Variants in TMEM123 observed in about 807,000 individuals in gnomAD.
TMEM123 encodes the protein transmembrane protein 123, also known as porimin.
TMEM123 carries 16 observed loss-of-function variants against 19.7 expected under a neutral mutation model. That is an observed-to-expected ratio of 0.81 (90% CI 0.55 to 1.23). The LOEUF is 1.23. TMEM123 is among the 50% of genes most tolerant of loss of function. TMEM123 has a pLI of 0.00. For missense variants in TMEM123, 313 were observed against 257.8 expected, an observed-to-expected ratio of 1.21 and a Z score of -1.47; for synonymous variants, 118 against 99.4, an observed-to-expected ratio of 1.19 and a Z score of -1.12.
At chr11:102,440,456 C>A (rs2135862902) in intron 2 of TMEM123, among the ~76,000 whole-genome samples, 1 of 152,240 alleles carries the variant, frequency 6.6e-6, no homozygotes, top group Non-Finnish European at 1.5e-5. Flanking sequence ...AACTAAGTTT[C>A]ATAAGTGAAG....
At chr11:102,439,330 G>A (rs1763167035) in intron 2 of TMEM123, among the ~76,000 whole-genome samples, 2 of 151,556 alleles carry the variant, frequency 1.3e-5, no homozygotes, top group Non-Finnish European at 3.0e-5. Flanking sequence ...AGCCTAACTG[G>A]GAGACACCTC....
At position 102,398,766 on chromosome 11, in the gene TMEM123, ACT is replaced by A. The variant is rs1951883013; in HGVS notation, c.*99_*100del. 8.4e-7 allele frequency: 1 copy of A among 1,194,238 alleles called. No homozygotes were observed. Among genetic ancestry groups the A allele is most frequent in the African/African-American group, 1.5e-5 (1 of 64,866 alleles). 74.0% of individuals were successfully genotyped at this position (1,194,238 alleles called of 1,614,324 possible). A position where few individuals can be genotyped will look rare whatever the true frequency, so the allele number is the denominator to read the frequency against. ...TACATTATATGCATGGCCTGTTTATACTATTTTCAAAAAGAGAATATTGTTTT... is the reference window on the plus strand; with the variant it reads ...TACATTATATGCATGGCCTGTTTATAATTTTCAAAAAGAGAATATTGTTTT... On this transcript the variant is annotated 3_prime_UTR_variant, in exon 5 of 5. Coordinates refer to ENST00000398136, the MANE Select transcript of TMEM123 (RefSeq NM_052932.3).
At chr11:102,439,882 T>C (rs1267932017) in intron 2 of TMEM123, among the ~76,000 whole-genome samples, 1 of 152,218 alleles carries the variant, frequency 6.6e-6, no homozygotes, top group East Asian at 1.9e-4. Context: ...CTGAAAACCA[T>C]GGTGCAAGAA....
intron 2 of TMEM123, among the ~76,000 whole-genome samples, chr11:102,409,580 A>G (rs924278135): frequency 6.6e-5 from 10 of 152,132 alleles, no homozygotes; most frequent in African/African-American, 1.9e-4. Flanking sequence ...TAAAAAACCT[A>G]GACAGGCCGG....
intron 2 of TMEM123, among the ~76,000 whole-genome samples, chr11:102,435,031 T>C (rs551281117): frequency 7.2e-5 from 11 of 151,972 alleles, no homozygotes; most frequent in Admixed American, 2.0e-4. Flanking sequence ...TAAAAATATA[T>C]ACTTTGCTTC....
intron 2 of TMEM123, among the ~76,000 whole-genome samples, chr11:102,442,875 A>T (rs1325881105): frequency 6.6e-6 from 1 of 152,212 alleles, no homozygotes; most frequent in Non-Finnish European, 1.5e-5. Flanking sequence ...AATGTGCAAA[A>T]ATCACAAGCA....
At chr11:102,448,986 A>C (rs190891010) in intron 1 of TMEM123, 118 bp from the exon 2 acceptor site, 2 of 989,570 alleles carry the variant, frequency 2.0e-6, no homozygotes, top group African/African-American at 3.2e-5. Flanking sequence ...AGATTATTCC[A>C]CAGGAAGTTC....
At chr11:102,406,140 T>TG (rs1388589992) in intron 2 of TMEM123, among the ~76,000 whole-genome samples, 2 of 152,012 alleles carry the variant, frequency 1.3e-5, no homozygotes, top group African/African-American at 4.8e-5. Flanking sequence ...CTGTGGGACT[T>TG]GCAAGGGGTG....
Position 102,441,537 on chromosome 11 carries a change from T to C in TMEM123, c.157+7275A>G, listed in dbSNP as rs376468892. ...CATACCAGAATCTCTGGGACACATT[T>C]AAAGCAGTGTGTAGAGGGAAATTTA... On this transcript the variant is annotated intron_variant, in intron 2 of 4. Coordinates refer to ENST00000398136, the MANE Select transcript of TMEM123 (RefSeq NM_052932.3). 5.9e-5 allele frequency among the ~76,000 whole-genome samples: 9 copies of C among 152,122 alleles called. No homozygotes were observed. The East Asian group carries it at 9.6e-4, about 16-fold the overall frequency.
At position 102,448,812 on chromosome 11, in the gene TMEM123, C is replaced by T. The variant is rs1412689227; in HGVS notation, c.157G>A (p.Glu53Lys). Residue 53 changes from glutamate to lysine, a missense_variant and splice_region_variant, in exon 2 of 5, where the codon GAG becomes AAG. By Grantham distance (56) the Glu-to-Lys change is moderately conservative. Coordinates refer to ENST00000398136, the MANE Select transcript of TMEM123 (RefSeq NM_052932.3). ...LPHNSSANST[E>K]TLQHVPSDHT... ...GTTTTTTTAATCTTTTAAAACTCAC[C>T]TGTTGAGTTAGCACTGGAGTTGTGT... The T allele has an allele frequency of 6.2e-7, 1 of 1,613,446 alleles. No individual in the cohort carries two copies. The highest frequency in any genetic ancestry group is 1.1e-5 in the South Asian group (1 of 91,050).
intron 3 of TMEM123, 61 bp downstream of exon 3, chr11:102,401,855 C>A: frequency 6.4e-7 from 1 of 1,563,976 alleles, no homozygotes; most frequent in Non-Finnish European, 8.7e-7. Context: ...AGAATAATGA[C>A]TTAAATGTGG....
Position 102,418,767 on chromosome 11 carries a change from T to C in TMEM123, c.158-16561A>G, listed in dbSNP as rs561926698. ...TGGAATCAACCTAGATACCCAACAG[T>C]GGCGGACTGGATAAAGAAAATGTGG... On this transcript the variant is annotated intron_variant, in intron 2 of 4. Transcript: ENST00000398136. Among the ~76,000 whole-genome samples the C allele has an allele frequency of 2.6e-5, 4 of 152,286 alleles. No homozygotes were observed. The East Asian group carries it at 7.7e-4, about 29-fold the overall frequency.
Position 102,430,336 on chromosome 11 carries a change from GGTGGTGGT to G in TMEM123, c.157+18468_157+18475del, listed in dbSNP as rs571528488. Among the ~76,000 whole-genome samples the G allele has an allele frequency of 1.5e-4, 23 of 152,350 alleles. 1 individual carries two copies. In the South Asian group the frequency reaches 4.8e-3, roughly 32 times the overall value. On this transcript the variant is annotated intron_variant, in intron 2 of 4. Transcript: ENST00000398136. The stretch of plus-strand genomic sequence containing the variant: ...CAAAAACAGCACTGGGTGCTGGGAA[GGTGGTGGT>G]GAGTAAAATCAGCCTTCCCCCTGAA...
chr11:102,399,534 A>G (rs754407535), intron 4 of TMEM123, among the ~76,000 whole-genome samples: 2 of 152,214 alleles, frequency 1.3e-5, no homozygotes, highest in Non-Finnish European at 2.9e-5. Context: ...CTGACAAACC[A>G]CCACCTTAAT....
chr11:102,433,658 G>A (rs920261844), intron 2 of TMEM123, among the ~76,000 whole-genome samples: 4 of 151,732 alleles, frequency 2.6e-5, no homozygotes, highest in Admixed American at 2.6e-4. Context: ...AGGGGCCAGT[G>A]GTAAAATTAT....
intron 2 of TMEM123, among the ~76,000 whole-genome samples, chr11:102,414,999 G>A (rs1407867064): frequency 6.6e-6 from 1 of 152,084 alleles, no homozygotes; most frequent in Non-Finnish European, 1.5e-5. Flanking sequence ...AAGGGATAAA[G>A]AAAAATCAAG....
intron 2 of TMEM123, among the ~76,000 whole-genome samples, chr11:102,444,747 T>C (rs1206879090): frequency 6.6e-6 from 1 of 151,928 alleles, no homozygotes; most frequent in Non-Finnish European, 1.5e-5. Context: ...CTATTCACAA[T>C]AGCAAAGACT....
At chr11:102,406,862 C>T (rs1234157091) in intron 2 of TMEM123, among the ~76,000 whole-genome samples, 3 of 144,322 alleles carry the variant, frequency 2.1e-5, no homozygotes, top group African/African-American at 7.8e-5. Flanking sequence ...CAGAGCGAGG[C>T]TCCGTCAAAA....
intron 2 of TMEM123, among the ~76,000 whole-genome samples, chr11:102,410,214 T>C (rs1185538324): frequency 6.6e-6 from 1 of 152,202 alleles, no homozygotes; most frequent in Non-Finnish European, 1.5e-5. Context: ...GTTAAAGTGA[T>C]AATGACCTGT....
Sources: gnomAD v4.1 joint callset for allele counts (sites outside exome capture counted in the v4.1 genomes callset) on GRCh38, gnomAD v4.1.1 for gene constraint, MANE v1.5 for transcripts, NCBI Gene and HGNC (gene_info 2026-07-23, HGNC 2026-07-21) for gene names.